The following RTN3 variants were observed in gnomAD, a reference collection of about 807,000 sequenced individuals.
RTN3 encodes the protein reticulon 3.
A neutral mutation model predicts 77.8 loss-of-function variants in RTN3; 49 were observed. The ratio of observed to expected loss-of-function variants is 0.63; its 90% CI spans 0.50 to 0.80. The LOEUF is 0.80. RTN3 is among the 30% of genes least tolerant of loss of function. The probability of loss-of-function intolerance (pLI) is 0.00; values close to 1 mark genes in which losing one functional copy is unlikely to be tolerated. For synonymous variants in RTN3, 464 were observed against 446.9 expected, an observed-to-expected ratio of 1.04 and a Z score of -0.48; for missense variants, 1,236 against 1,211.9, an observed-to-expected ratio of 1.02 and a Z score of -0.29.
chr11:63,730,268 A>G (rs977987128), intron 3 of RTN3, among the ~76,000 whole-genome samples: 1 of 152,148 alleles, frequency 6.6e-6, no homozygotes, highest in African/African-American at 2.4e-5. Context: ...TGCTCGGCCA[A>G]AAGATGTTAT....
chr11:63,739,045 G>A (rs2013313428), intron 3 of RTN3, among the ~76,000 whole-genome samples: 1 of 152,044 alleles, frequency 6.6e-6, no homozygotes, highest in African/African-American at 2.4e-5. Context: ...ATACCTTAAA[G>A]TTTTTAAAAT....
chr11:63,699,538 A>G (rs1458892327), intron 1 of RTN3, among the ~76,000 whole-genome samples: 1 of 152,174 alleles, frequency 6.6e-6, no homozygotes, highest in Non-Finnish European at 1.5e-5. Flanking sequence ...CCCTGCTGCC[A>G]GAGTTCTTTC....
At chr11:63,743,281 T>G (rs1380208321) in intron 3 of RTN3, among the ~76,000 whole-genome samples, 2 of 152,208 alleles carry the variant, frequency 1.3e-5, no homozygotes, top group African/African-American at 2.4e-5. Flanking sequence ...ACTTCTTGCC[T>G]TCTTTCAGTA....
chr11:63,755,651 CAAAAAA>C (rs776039864), intron 7 of RTN3, among the ~76,000 whole-genome samples: 2 of 17,062 alleles, frequency 1.2e-4, no homozygotes, highest in Admixed American at 9.7e-4. Context: ...AATTCCATCT[CAAAAAA>C]AAAAAAAAAA....
At chr11:63,681,885 C>G (rs973024706) in intron 1 of RTN3, 107 bp downstream of exon 1, 5 of 1,208,784 alleles carry the variant, frequency 4.1e-6, no homozygotes, top group Non-Finnish European at 5.6e-6. Context: ...CCCTCGACTA[C>G]TGACGGCTTC....
intron 1 of RTN3, among the ~76,000 whole-genome samples, chr11:63,696,517 G>A (rs1291708102): frequency 4.0e-5 from 6 of 151,332 alleles, no homozygotes; most frequent in Non-Finnish European, 7.4e-5. Context: ...AGACCAGCTT[G>A]GATAACATAG....
chr11:63,693,846 G>T (rs531837978), intron 1 of RTN3, among the ~76,000 whole-genome samples: 1 of 152,108 alleles, frequency 6.6e-6, no homozygotes, highest in African/African-American at 2.4e-5. Context: ...CTCTGGCCGG[G>T]CACAGTGGCT....
At position 63,719,018 on chromosome 11, in the gene RTN3, A is replaced by G. The variant is rs149031161; in HGVS notation, c.516A>G (p.Lys172=). The change falls in exon 3 of 9, where the codon AAA becomes AAG. Residue 172 remains lysine, a synonymous_variant. Coordinates refer to ENST00000377819, the MANE Select transcript of RTN3 (RefSeq NM_001265589.2). ...AGCATCCTGCTTTTCTCTCAAAGAA[A>G]ATTGGTCAAGTGGAAGAGCAAATAG... The part of the protein sequence containing the change: ...FPEHPAFLSK[K]IGQVEEQIDK... 1,414 of 1,614,164 alleles carry G rather than the reference A, an allele frequency of 8.8e-4. 13 individuals carry two copies. Among genetic ancestry groups the G allele is most frequent in the Non-Finnish European group, 2.3e-4 (267 of 1,180,028 alleles).
At chr11:63,687,354 C>T (rs936319323) in intron 1 of RTN3, among the ~76,000 whole-genome samples, 2 of 152,192 alleles carry the variant, frequency 1.3e-5, no homozygotes, top group East Asian at 1.9e-4. Context: ...CGGTGGCCCA[C>T]GCCTGTAATC....
At chr11:63,683,972 T>TTTTTTTTTTA (rs1375625604) in intron 1 of RTN3, among the ~76,000 whole-genome samples, 20 of 136,110 alleles carry the variant, frequency 1.5e-4, no homozygotes, top group Non-Finnish European at 2.2e-4. Flanking sequence ...TTTTTTTTTT[T>TTTTTTTTTTA]AGACAAGGTC....
rs111414035 is a variant in RTN3 at position 63,753,681 on chromosome 11, T to C, written c.2967T>C (p.Ser989=). 5.0e-4 allele frequency: 811 copies of C among 1,613,894 alleles called. 4 individuals are homozygous for C. In the African/African-American group the frequency reaches 9.2e-3, roughly 18 times the overall value. The part of the protein sequence containing the change: ...LLILAELLIF[S]VPIVYEKYKT... Reference sequence around the variant, plus strand: ...TTACAGCTGAACTGCTCATTTTCAGTGTCCCGATTGTCTATGAGAAGTACA... The same window carrying C: ...TTACAGCTGAACTGCTCATTTTCAGCGTCCCGATTGTCTATGAGAAGTACA... Residue 989 remains serine (S), a synonymous_variant, in exon 7 of 9, where the codon AGT becomes AGC. Coordinates refer to ENST00000377819, the MANE Select transcript of RTN3 (RefSeq NM_001265589.2).
chr11:63,752,157 T>C (rs1354075604), intron 4 of RTN3, among the ~76,000 whole-genome samples: 1 of 148,904 alleles, frequency 6.7e-6, no homozygotes, highest in African/African-American at 2.5e-5. Flanking sequence ...GATATGTTAA[T>C]GTTAAAACTG....
chr11:63,686,466 G>A (rs555838117), intron 1 of RTN3, among the ~76,000 whole-genome samples: 3 of 72,294 alleles, frequency 4.1e-5, no homozygotes, highest in Admixed American at 1.8e-4. Context: ...GCGAGACTCC[G>A]TCTCAAAAAA....
At chr11:63,697,940 C>T (rs971027790) in intron 1 of RTN3, among the ~76,000 whole-genome samples, 1 of 152,122 alleles carries the variant, frequency 6.6e-6, no homozygotes, top group Admixed American at 6.6e-5. Context: ...TTTCCCTCAA[C>T]GTTGCCTCTC....
intron 3 of RTN3, among the ~76,000 whole-genome samples, chr11:63,746,250 G>T (rs920701513): frequency 1.3e-5 from 2 of 152,062 alleles, no homozygotes; most frequent in Non-Finnish European, 2.9e-5. Flanking sequence ...CAAATATTTT[G>T]AATGTATAGA....
chr11:63,696,402 GA>G (rs993316464), intron 1 of RTN3, among the ~76,000 whole-genome samples: 1 of 145,842 alleles, frequency 6.9e-6, no homozygotes, highest in Non-Finnish European at 1.5e-5. Flanking sequence ...GTCTCAAAAG[GA>G]AAAAAAAAGA....
chr11:63,752,969 A>G, intron 5 of RTN3, 100 bp from the exon 6 acceptor site: 1 of 1,163,704 alleles, frequency 8.6e-7, no homozygotes, highest in Non-Finnish European at 1.3e-6. Flanking sequence ...ACACATCACT[A>G]AATTTATGCA....
intron 1 of RTN3, among the ~76,000 whole-genome samples, chr11:63,696,865 CTTTCTTTCTTTCTTTCTTTTTTT>C (rs1351516865): frequency 1.8e-5 from 1 of 56,684 alleles, no homozygotes; most frequent in Non-Finnish European, 3.4e-5. Context: ...TATTTTCTTT[CTTTCTTTCTTTCTTTCTTTTTTT>C]TTTTTTTTTT....
chr11:63,717,183 A>C (rs2011464915), intron 2 of RTN3, among the ~76,000 whole-genome samples: 1 of 151,572 alleles, frequency 6.6e-6, no homozygotes, highest in South Asian at 2.1e-4. Context: ...CAAACAAATA[A>C]ATGAAGTAAG....
Sources: allele counts gnomAD v4.1 joint callset (sites outside exome capture counted in the v4.1 genomes callset), GRCh38; gene constraint gnomAD v4.1.1; transcripts MANE v1.5; gene names NCBI Gene and HGNC (gene_info 2026-07-23, HGNC 2026-07-21).